Variants in LRRC8D observed in about 807,000 individuals in gnomAD.
LRRC8D encodes volume-regulated anion channel subunit LRRC8D.
In LRRC8D, 20 loss-of-function variants were observed where a neutral mutation model predicts 55.8. The observed-to-expected ratio is 0.36, with a 90% CI of 0.25 to 0.52. LRRC8D has a LOEUF of 0.52. LRRC8D is among the 20% of genes least tolerant of loss of function. The probability of loss-of-function intolerance (pLI) is 0.93; values close to 1 mark genes in which losing one functional copy is unlikely to be tolerated. For synonymous variants in LRRC8D, 352 were observed against 377.0 expected (o/e 0.93, Z 0.77); for missense variants, 651 against 1,030.8 (o/e 0.63, Z 5.05).
intron 1 of LRRC8D, among the ~76,000 whole-genome samples, chr1:89,840,244 A>AC (rs1383930288): frequency 6.7e-6 from 1 of 149,744 alleles, no homozygotes; most frequent in East Asian, 2.0e-4. Flanking sequence ...CACACACACA[A>AC]AAGCATAACA....
intron 2 of LRRC8D, among the ~76,000 whole-genome samples, chr1:89,858,560 T>G (rs756568513): frequency 1.3e-5 from 2 of 152,248 alleles, no homozygotes; most frequent in Non-Finnish European, 1.5e-5. Context: ...AATGTTGATT[T>G]CTTTAAAAGT....
intron 2 of LRRC8D, among the ~76,000 whole-genome samples, chr1:89,892,546 T>A (rs1662605658): frequency 6.6e-6 from 1 of 152,024 alleles, no homozygotes; most frequent in Admixed American, 6.6e-5. Context: ...TTTGAGACAG[T>A]CTCGCTCTGT....
chr1:89,827,980 C>T (rs1344567086), intron 1 of LRRC8D, among the ~76,000 whole-genome samples: 5 of 152,214 alleles, frequency 3.3e-5, no homozygotes, highest in African/African-American at 9.6e-5. Flanking sequence ...CTTCCCCATG[C>T]CTATTGAATC....
intron 2 of LRRC8D, among the ~76,000 whole-genome samples, chr1:89,856,956 C>G (rs1324751822): frequency 2.0e-5 from 3 of 152,058 alleles, no homozygotes; most frequent in Non-Finnish European, 4.4e-5. Flanking sequence ...ATTATACTTT[C>G]TTTTTAAAAA....
intron 1 of LRRC8D, among the ~76,000 whole-genome samples, chr1:89,821,520 G>A (rs1450944011): frequency 6.6e-6 from 1 of 152,176 alleles, no homozygotes; most frequent in African/African-American, 2.4e-5. Context: ...TCCGCTTTCT[G>A]CAGTCTGAGC....
At chr1:89,837,076 G>A (rs1661020042) in intron 1 of LRRC8D, among the ~76,000 whole-genome samples, 1 of 152,168 alleles carries the variant, frequency 6.6e-6, no homozygotes, top group South Asian at 2.1e-4. Flanking sequence ...TGTATCAACT[G>A]CTTTACCAAG....
chr1:89,855,239 A>G (rs562668188), intron 2 of LRRC8D, among the ~76,000 whole-genome samples: 61 of 152,286 alleles, frequency 4.0e-4, no homozygotes, highest in African/African-American at 1.4e-3. Context: ...CTTTGCCTAT[A>G]GATTTTGAAG....
At chr1:89,894,790 G>A (rs1375451205) in intron 2 of LRRC8D, among the ~76,000 whole-genome samples, 2 of 152,218 alleles carry the variant, frequency 1.3e-5, no homozygotes, top group Admixed American at 6.5e-5. Context: ...CACTCAAATA[G>A]TTGTTTCTTT....
intron 1 of LRRC8D, among the ~76,000 whole-genome samples, chr1:89,821,544 G>T (rs1391059633): frequency 6.6e-6 from 1 of 152,156 alleles, no homozygotes; most frequent in Non-Finnish European, 1.5e-5. Context: ...GGCCGCTTCG[G>T]CCCCGGGCGG....
intron 1 of LRRC8D, 146 bp from the exon 2 acceptor site, chr1:89,843,492 G>A: frequency 2.1e-6 from 1 of 486,316 alleles, no homozygotes; most frequent in East Asian, 3.6e-5. Context: ...GGGTCGCCAC[G>A]GCCAGGGGAG....
At chr1:89,839,658 A>T (rs6680244) in intron 1 of LRRC8D, among the ~76,000 whole-genome samples, 1 of 152,162 alleles carries the variant, frequency 6.6e-6, no homozygotes, top group Non-Finnish European at 1.5e-5. Flanking sequence ...TTTTGCAGAG[A>T]CCAGGAAGTG....
At chr1:89,860,785 A>AAAAATATATAT (rs1553123917) in intron 2 of LRRC8D, among the ~76,000 whole-genome samples, 13 of 28,186 alleles carry the variant, frequency 4.6e-4, no homozygotes, top group Admixed American at 6.8e-4. Flanking sequence ...AAAAAAAAAA[A>AAAAATATATAT]ATATATATAT....
chr1:89,845,662 C>G (rs150550821), intron 2 of LRRC8D, among the ~76,000 whole-genome samples: 5,552 of 152,196 alleles, frequency 0.036, 327 homozygotes, highest in African/African-American at 0.13. Flanking sequence ...GTCTCGAACT[C>G]CTAACCTCAA....
chr1:89,834,163 A>C (rs1660950603), intron 1 of LRRC8D, among the ~76,000 whole-genome samples: 1 of 152,236 alleles, frequency 6.6e-6, no homozygotes, highest in South Asian at 2.1e-4. Flanking sequence ...TTTTCTTTAT[A>C]ACAGAACAAA....
intron 1 of LRRC8D, among the ~76,000 whole-genome samples, chr1:89,838,218 A>G (rs1308312973): frequency 3.4e-5 from 5 of 148,750 alleles, no homozygotes; most frequent in African/African-American, 1.0e-4. Context: ...AAAGGGGGGA[A>G]AAAAGAAAAA....
chr1:89,843,797 G>T lies in LRRC8D; in HGVS notation c.-3+15G>T. 1 of 659,464 alleles carries T rather than the reference G, an allele frequency of 1.5e-6. No individual in the cohort carries two copies. Among genetic ancestry groups the T allele is most frequent in the South Asian group, 1.6e-5 (1 of 62,488 alleles). The allele number at this position is 659,464 out of a possible 1,614,324, so 40.9% of individuals were successfully genotyped here. A position where few individuals can be genotyped will look rare whatever the true frequency, so the allele number is the denominator to read the frequency against. ...GCTTGGTCCAGGTGCGCGGGGTCGG[G>T]TCTGGGTCCAGGGAGCGGGTCGGGA... is the stretch of plus-strand genomic sequence containing the variant. On this transcript the variant is annotated intron_variant, in intron 2 of 2. Coordinates refer to ENST00000337338, the MANE Select transcript of LRRC8D (RefSeq NM_001134479.2).
At chr1:89,908,557 G>T (rs193149076) in intron 2 of LRRC8D, among the ~76,000 whole-genome samples, 1 of 152,198 alleles carries the variant, frequency 6.6e-6, no homozygotes, top group East Asian at 1.9e-4. Flanking sequence ...GCCCTCCTGG[G>T]TGAGCCCAGG....
chr1:89,843,853 G>A, intron 2 of LRRC8D, 71 bp downstream of exon 2: 1 of 580,842 alleles, frequency 1.7e-6, no homozygotes, highest in Non-Finnish European at 3.1e-6. Flanking sequence ...GCTAGTGTCG[G>A]ATCTGCATCT....
chr1:89,828,077 A>G (rs1390438165), intron 1 of LRRC8D, among the ~76,000 whole-genome samples: 1 of 152,230 alleles, frequency 6.6e-6, no homozygotes, highest in East Asian at 1.9e-4. Flanking sequence ...CAGAACCACC[A>G]TCTTAGTAGT....
Sources: gnomAD v4.1 joint callset for allele counts (sites outside exome capture counted in the v4.1 genomes callset) on GRCh38, gnomAD v4.1.1 for gene constraint, MANE v1.5 for transcripts, NCBI Gene and HGNC (gene_info 2026-07-23, HGNC 2026-07-21) for gene names.